Variants in FOCAD observed in about 807,000 individuals in gnomAD.
FOCAD encodes the protein KIAA1797.
In FOCAD, 198 loss-of-function variants were observed where a neutral mutation model predicts 225.6. That is an observed-to-expected ratio of 0.88 (90% CI 0.78 to 0.99). The LOEUF is 0.99. Ranked by LOEUF, FOCAD falls within the 50% of genes least tolerant of loss-of-function variation. The pLI is 0.00. For missense variants in FOCAD, 2,713 were observed against 2,123.6 expected, an observed-to-expected ratio of 1.28 and a Z score of -5.46; for synonymous variants, 897 against 755.0, an observed-to-expected ratio of 1.19 and a Z score of -3.08.
intron 11 of FOCAD, among the ~76,000 whole-genome samples, chr9:20,801,477 C>T (rs1424452081): frequency 6.6e-6 from 1 of 152,100 alleles, no homozygotes. Flanking sequence ...CCACTGCGCC[C>T]ACCCTGGAAT....
chr9:20,728,382 A>G (rs913453680), intron 4 of FOCAD, among the ~76,000 whole-genome samples: 1 of 152,206 alleles, frequency 6.6e-6, no homozygotes, highest in Admixed American at 6.5e-5. Context: ...ATTTTGTACA[A>G]TATTTTAAAT....
Position 20,789,400 on chromosome 9 carries a change from T to C in FOCAD, c.1247T>C (p.Phe416Ser), listed in dbSNP as rs1276684239. The C allele has an allele frequency of 1.2e-6, 2 of 1,614,048 alleles. No homozygotes were observed. The highest frequency in any genetic ancestry group is 4.5e-5 in the East Asian group (2 of 44,884). Residue 416 changes from phenylalanine (F) to serine (S), a missense_variant, in exon 11 of 44, where the codon TTT (phenylalanine) becomes TCT (serine). Physicochemically the swap from Phe to Ser is radical, Grantham distance 155. Transcript: ENST00000338382. ...CPVTSMYGTI[F>S]TAWRILEVMT... Reference sequence around the variant, plus strand: ...GTAACCAGTATGTATGGTACAATATTTACAGCCTGGAGGATTCTTGAAGTA... The same window carrying C: ...GTAACCAGTATGTATGGTACAATATCTACAGCCTGGAGGATTCTTGAAGTA...
At chr9:20,842,421 C>T (rs1308462365) in intron 15 of FOCAD, among the ~76,000 whole-genome samples, 1 of 151,650 alleles carries the variant, frequency 6.6e-6, no homozygotes, top group Non-Finnish European at 1.5e-5. Flanking sequence ...CTGGGTATGC[C>T]AGTGTTGGGT....
chr9:20,672,162 T>G (rs1049385759), intron 2 of FOCAD, among the ~76,000 whole-genome samples: 2 of 152,190 alleles, frequency 1.3e-5, no homozygotes, highest in African/African-American at 4.8e-5. Context: ...TATAGAAGAC[T>G]GTTCCAAAGG....
rs557744055 is a variant in FOCAD, at chr9:20,905,963, A to G, written c.2626-1187A>G. ...TTTTTTTTTTAAAAACAGCAATGCCATGAGAAGTAATAGATAGCAGTAAGA... is the reference window on the plus strand; with the variant it reads ...TTTTTTTTTTAAAAACAGCAATGCCGTGAGAAGTAATAGATAGCAGTAAGA... On this transcript the variant is annotated intron_variant, in intron 21 of 43. Transcript: ENST00000338382. 8.0e-5 allele frequency among the ~76,000 whole-genome samples: 12 copies of G among 150,718 alleles called. No homozygotes were observed. The East Asian group carries it at 1.8e-3, about 22-fold the overall frequency.
chr9:20,754,858 T>C (rs1009216112), intron 5 of FOCAD, among the ~76,000 whole-genome samples: 4 of 152,216 alleles, frequency 2.6e-5, no homozygotes, highest in Non-Finnish European at 4.4e-5. Flanking sequence ...GCATGGGCAG[T>C]TGTGCAATGA....
At chr9:20,766,457 T>C (rs545244278) in intron 7 of FOCAD, among the ~76,000 whole-genome samples, 2 of 152,342 alleles carry the variant, frequency 1.3e-5, no homozygotes, top group South Asian at 4.1e-4. Flanking sequence ...TTGAATATTT[T>C]AGTGATAGAG....
chr9:20,797,100 G>A (rs1821201110), intron 11 of FOCAD, among the ~76,000 whole-genome samples: 1 of 151,968 alleles, frequency 6.6e-6, no homozygotes, highest in Non-Finnish European at 1.5e-5. Context: ...TGTTTTTTGT[G>A]AGGTCTGTCA....
intron 4 of FOCAD, among the ~76,000 whole-genome samples, chr9:20,729,528 G>A (rs1013093343): frequency 1.3e-5 from 2 of 152,152 alleles, no homozygotes; most frequent in Non-Finnish European, 2.9e-5. Context: ...GGTACTGGGG[G>A]TTGGGATTTA....
At chr9:20,816,559 G>A (rs1823748946) in intron 11 of FOCAD, among the ~76,000 whole-genome samples, 2 of 151,862 alleles carry the variant, frequency 1.3e-5, no homozygotes, top group African/African-American at 4.8e-5. Flanking sequence ...GTATATCGTG[G>A]TCAGGGTCAT....
intron 18 of FOCAD, among the ~76,000 whole-genome samples, chr9:20,867,452 C>G (rs1292439125): frequency 6.6e-6 from 1 of 151,794 alleles, no homozygotes; most frequent in Admixed American, 6.6e-5. Context: ...ATAGGTAGCT[C>G]CAGAAAACTG....
intron 1 of FOCAD, among the ~76,000 whole-genome samples, chr9:20,700,465 G>C (rs1452161487): frequency 5.3e-5 from 8 of 150,390 alleles, no homozygotes; most frequent in African/African-American, 1.5e-4. Flanking sequence ...TGTAGATTCT[G>C]CTGATTTTGG....
intron 6 of FOCAD, among the ~76,000 whole-genome samples, chr9:20,764,006 A>G (rs908239224): frequency 1.3e-5 from 2 of 152,156 alleles, no homozygotes; most frequent in Non-Finnish European, 2.9e-5. Context: ...TATAAGGATA[A>G]TATTATTTTT....
intron 2 of FOCAD, among the ~76,000 whole-genome samples, chr9:20,671,403 A>G (rs886732921): frequency 6.6e-6 from 1 of 152,216 alleles, no homozygotes; most frequent in African/African-American, 2.4e-5. Flanking sequence ...CCAGTCTTCT[A>G]AAATCCTTAA....
chr9:20,907,698 C>T (rs1344625142), intron 22 of FOCAD, among the ~76,000 whole-genome samples: 5 of 152,028 alleles, frequency 3.3e-5, no homozygotes, highest in African/African-American at 1.2e-4. Context: ...CTTCCCTAAC[C>T]TCTTAGCTTT....
chr9:20,908,683 A>C (rs1833182381), intron 22 of FOCAD, among the ~76,000 whole-genome samples: 1 of 152,136 alleles, frequency 6.6e-6, no homozygotes, highest in Non-Finnish European at 1.5e-5. Flanking sequence ...TTTTGGATAA[A>C]TGCATGAGTG....
intron 15 of FOCAD, among the ~76,000 whole-genome samples, chr9:20,841,191 A>T (rs1826488564): frequency 6.6e-6 from 1 of 151,756 alleles, no homozygotes. Flanking sequence ...TTTTTTTAAG[A>T]AAATTGTTTA....
intron 23 of FOCAD, among the ~76,000 whole-genome samples, chr9:20,914,750 C>T (rs1482997480): frequency 6.6e-6 from 1 of 152,056 alleles, no homozygotes; most frequent in Non-Finnish European, 1.5e-5. Flanking sequence ...GATGGAGAAA[C>T]ATTGGCAGAT....
At chr9:20,733,266 G>A (rs1242932930) in intron 4 of FOCAD, among the ~76,000 whole-genome samples, 1 of 152,102 alleles carries the variant, frequency 6.6e-6, no homozygotes, top group East Asian at 1.9e-4. Context: ...ACTGAATACA[G>A]GTCCTAAGCA....
Sources: allele counts gnomAD v4.1 joint callset (sites outside exome capture counted in the v4.1 genomes callset), GRCh38; gene constraint gnomAD v4.1.1; transcripts MANE v1.5; gene names NCBI Gene and HGNC (gene_info 2026-07-23, HGNC 2026-07-21).